The following TLL2 variants were observed in gnomAD, a reference collection of about 807,000 sequenced individuals.
TLL2 encodes the protein tolloid like 2.
TLL2 carries 106 observed loss-of-function variants against 123.0 expected under a neutral mutation model. The ratio of observed to expected loss-of-function variants is 0.86; its 90% CI spans 0.74 to 1.01. The LOEUF is 1.01. TLL2 is among the 50% of genes least tolerant of loss of function. The pLI, the probability that TLL2 is intolerant of heterozygous loss-of-function variation, is 0.00. For synonymous variants in TLL2, 494 were observed against 516.8 expected, an observed-to-expected ratio of 0.96 and a Z score of 0.60; for missense variants, 1,332 against 1,336.7, an observed-to-expected ratio of 1.00 and a Z score of 0.06.
At chr10:96,491,395 A>G (rs1247296457) in intron 1 of TLL2, among the ~76,000 whole-genome samples, 1 of 147,524 alleles carries the variant, frequency 6.8e-6, no homozygotes, top group East Asian at 2.0e-4. Flanking sequence ...AAAAAAAAAA[A>G]AAAGAAAAGA....
intron 1 of TLL2, among the ~76,000 whole-genome samples, chr10:96,492,408 G>C (rs1847423662): frequency 6.6e-6 from 1 of 152,198 alleles, no homozygotes; most frequent in African/African-American, 2.4e-5. Context: ...TGGGTCACCT[G>C]AGGTCAGGGG....
intron 4 of TLL2, among the ~76,000 whole-genome samples, chr10:96,432,308 G>A (rs1180504329): frequency 6.6e-6 from 1 of 152,034 alleles, no homozygotes; most frequent in Admixed American, 6.5e-5. Flanking sequence ...ATTTCCCCAG[G>A]GCATTTTGCT....
chr10:96,497,983 T>C (rs1400295005), intron 1 of TLL2, among the ~76,000 whole-genome samples: 2 of 152,220 alleles, frequency 1.3e-5, no homozygotes, highest in Admixed American at 6.5e-5. Flanking sequence ...CAGCATGAGC[T>C]CACACGGGCT....
At chr10:96,461,838 C>T (rs147086266) in intron 2 of TLL2, among the ~76,000 whole-genome samples, 26 of 152,336 alleles carry the variant, frequency 1.7e-4, no homozygotes, top group African/African-American at 6.0e-4. Context: ...GAGACAAAAG[C>T]GAATCAGATA....
chr10:96,471,915 T>C (rs1206455481), intron 2 of TLL2, among the ~76,000 whole-genome samples: 1 of 152,032 alleles, frequency 6.6e-6, no homozygotes, highest in African/African-American at 2.4e-5. Context: ...TGTGCGTGCG[T>C]GTGTGTGTGT....
intron 2 of TLL2, among the ~76,000 whole-genome samples, chr10:96,478,149 T>C (rs1847278288): frequency 6.6e-6 from 1 of 152,242 alleles, no homozygotes; most frequent in Non-Finnish European, 1.5e-5. Flanking sequence ...CAGCCGGGTA[T>C]GCAGCTGGCG....
Position 96,490,324 on chromosome 10 carries a change from A to G in TLL2, c.176-9865T>C, listed in dbSNP as rs573548893. Among the ~76,000 whole-genome samples the G allele has an allele frequency of 3.5e-4, 54 of 152,290 alleles. 1 individual carries two copies. In the South Asian group the frequency reaches 0.011, roughly 30 times the overall value. ...TTCAATCAAAATCCCAATTTTTTTTATTACTGGCAAGATGATATTAATGTT... is the reference window on the plus strand; with the variant it reads ...TTCAATCAAAATCCCAATTTTTTTTGTTACTGGCAAGATGATATTAATGTT... On this transcript the variant is annotated intron_variant, in intron 1 of 20. Coordinates refer to ENST00000357947, the MANE Select transcript of TLL2 (RefSeq NM_012465.4).
At chr10:96,456,209 A>G (rs1439985007) in intron 2 of TLL2, among the ~76,000 whole-genome samples, 2 of 152,210 alleles carry the variant, frequency 1.3e-5, no homozygotes, top group Non-Finnish European at 2.9e-5. Context: ...AATCCTCGAT[A>G]GCAAATATCC....
intron 2 of TLL2, among the ~76,000 whole-genome samples, chr10:96,474,443 G>C (rs1006651889): frequency 1.3e-5 from 2 of 152,202 alleles, no homozygotes; most frequent in African/African-American, 4.8e-5. Context: ...GCTTGAATGG[G>C]TCATCCAACC....
In TLL2 at chr10:96,476,238, A is replaced by AT. The variant is rs1466902949; in HGVS notation, c.286+4110dup. Among the ~76,000 whole-genome samples the AT allele has an allele frequency of 3.0e-3, 53 of 17,516 alleles. 4 individuals are homozygous for AT. The highest frequency in any genetic ancestry group is 0.01 in the South Asian group (5 of 496). 11.5% of individuals were successfully genotyped at this position (17,516 alleles called of 152,430 possible). ...ATTTTATATGTATATATATATATAT[A>AT]TATTTTATTTTTGTTGTTGTTGTTG... On this transcript the variant is annotated intron_variant, in intron 2 of 20. Transcript: ENST00000357947.
chr10:96,373,091 G>A (rs1184036391), intron 19 of TLL2: 1 of 153,686 alleles, frequency 6.5e-6, no homozygotes, highest in Non-Finnish European at 1.4e-5. Flanking sequence ...CGTCAATTAA[G>A]GACATTGAAA....
intron 13 of TLL2, among the ~76,000 whole-genome samples, chr10:96,389,752 T>C (rs1452307769): frequency 2.0e-5 from 3 of 152,216 alleles, no homozygotes; most frequent in Non-Finnish European, 4.4e-5. Context: ...CTTGGCACCA[T>C]CTTAGCCAGG....
chr10:96,401,231 G>GA (rs1251202419), intron 10 of TLL2, among the ~76,000 whole-genome samples: 2 of 152,082 alleles, frequency 1.3e-5, no homozygotes, highest in Admixed American at 6.5e-5. Context: ...ACTGCCCTGG[G>GA]AAAAAATGCG....
chr10:96,502,359 G>T (rs1440130356), intron 1 of TLL2, among the ~76,000 whole-genome samples: 1 of 152,218 alleles, frequency 6.6e-6, no homozygotes, highest in Non-Finnish European at 1.5e-5. Flanking sequence ...AGATCACTCT[G>T]CAATGTGGAA....
At chr10:96,373,488 C>T (rs188521547) in intron 19 of TLL2, 108 bp downstream of exon 19, 336 of 1,064,684 alleles carry the variant, frequency 3.2e-4, no homozygotes, top group East Asian at 2.6e-3. Context: ...TTCCTCCCCT[C>T]GCCCTCCCCC....
At chr10:96,373,831 G>C in intron 18 of TLL2, 22 bp from the exon 19 acceptor site, 1 of 1,608,296 alleles carries the variant, frequency 6.2e-7, no homozygotes, top group Non-Finnish European at 8.5e-7. Flanking sequence ...AGAGCAGAAA[G>C]TAAGGCAAGG....
At chr10:96,429,169 G>T (rs772444289) in intron 4 of TLL2, among the ~76,000 whole-genome samples, 1 of 152,058 alleles carries the variant, frequency 6.6e-6, no homozygotes, top group Admixed American at 6.6e-5. Flanking sequence ...AAAAAAGATT[G>T]TTAATAATAC....
chr10:96,497,253 G>T (rs1183400132), intron 1 of TLL2, among the ~76,000 whole-genome samples: 1 of 152,192 alleles, frequency 6.6e-6, no homozygotes, highest in Admixed American at 6.5e-5. Flanking sequence ...TCGCACTCCA[G>T]TCTGGGCAAC....
rs1414250472 is a variant in TLL2 at position 96,367,094 on chromosome 10, T to A, written c.*994A>T. On this transcript the variant is annotated 3_prime_UTR_variant, in exon 21 of 21. Coordinates refer to ENST00000357947, the MANE Select transcript of TLL2 (RefSeq NM_012465.4). ...GTTCCACAAGGCGATGATTCTTACA[T>A]AACTTATAATTAACCAGTCTTCAAC... The A allele has an allele frequency of 6.6e-6, 1 of 152,288 alleles. No homozygotes were observed. Among genetic ancestry groups the A allele is most frequent in the Admixed American group, 6.5e-5 (1 of 15,288 alleles). 9.4% of individuals were successfully genotyped at this position (152,288 alleles called of 1,614,324 possible).
Sources: allele counts gnomAD v4.1 joint callset (sites outside exome capture counted in the v4.1 genomes callset), GRCh38; gene constraint gnomAD v4.1.1; transcripts MANE v1.5; gene names NCBI Gene and HGNC (gene_info 2026-07-23, HGNC 2026-07-21).